AHNAK: variants seen among roughly 807,000 people sequenced by gnomAD.
The protein encoded by AHNAK is AHNAK nucleoprotein, also known as neuroblast differentiation-associated protein AHNAK.
AHNAK carries 23 observed loss-of-function variants against 37.8 expected under a neutral mutation model. The ratio of observed to expected loss-of-function variants is 0.61; its 90% CI spans 0.44 to 0.86. The LOEUF (loss-of-function observed/expected upper bound fraction) is 0.86, where lower values mean the gene tolerates loss of function less well. Among genes scored for constraint, AHNAK ranks in the 40% least tolerant of loss-of-function variants. The pLI, the probability that AHNAK is intolerant of heterozygous loss-of-function variation, is 0.00. For synonymous variants in AHNAK, 2,481 were observed against 2,636.3 expected (o/e 0.94, Z 1.80); for missense variants, 7,411 against 7,319.4 (o/e 1.01, Z -0.46).
chr11:62,460,857 T>C (rs1938767109), intron 5 of AHNAK, among the ~76,000 whole-genome samples: 1 of 152,182 alleles, frequency 6.6e-6, no homozygotes, highest in Non-Finnish European at 1.5e-5. Context: ...AGTCTCGCTC[T>C]GTCACCCAGG....
chr11:62,483,044 G>A (rs1364913146), intron 5 of AHNAK, among the ~76,000 whole-genome samples: 1 of 152,126 alleles, frequency 6.6e-6, no homozygotes, highest in East Asian at 1.9e-4. Context: ...TGAACGACAT[G>A]GTTTCACACC....
At chr11:62,467,769 AAG>A (rs1938944285) in intron 5 of AHNAK, among the ~76,000 whole-genome samples, 1 of 152,218 alleles carries the variant, frequency 6.6e-6, no homozygotes, top group Non-Finnish European at 1.5e-5. Flanking sequence ...GTTTGGAAAA[AAG>A]AGAGGGACAC....
At chr11:62,483,897 C>G (rs959808483) in intron 5 of AHNAK, among the ~76,000 whole-genome samples, 1 of 149,754 alleles carries the variant, frequency 6.7e-6, no homozygotes, top group Non-Finnish European at 1.5e-5. Flanking sequence ...ATTAGCCAGG[C>G]GCGGTGGCGG....
At chr11:62,471,218 A>T (rs1232189380) in intron 5 of AHNAK, among the ~76,000 whole-genome samples, 1 of 152,050 alleles carries the variant, frequency 6.6e-6, no homozygotes, top group East Asian at 1.9e-4. Flanking sequence ...GGGCCAAAGG[A>T]TTCTTTGCTG....
chr11:62,523,506 A>T lies in AHNAK; in HGVS notation c.10911T>A (p.Asn3637Lys). The stretch of plus-strand genomic sequence containing the variant: ...TCACGTCTGGAACATCAACGTCTAC[A>T]TTGGGACCAGAAATGTCAATGTCAG... ...PKADIDISGP[N>K]VDVDVPDVNI... is the part of the protein sequence containing the mutation. Residue 3637 changes from asparagine (N) to lysine (K), a missense_variant, in exon 5 of 5, where the codon AAT becomes AAA. Physicochemically the swap from Asn to Lys is moderately conservative, Grantham distance 94. Coordinates refer to ENST00000378024, the MANE Select transcript of AHNAK (RefSeq NM_001620.3). 1 of 1,613,942 alleles carries T rather than the reference A, an allele frequency of 6.2e-7. No homozygotes were observed. Among genetic ancestry groups the T allele is most frequent in the Non-Finnish European group, 8.5e-7 (1 of 1,179,980 alleles).
rs1590676853 is a variant in AHNAK, at chr11:62,531,189, A to G, written c.3228T>C (p.Leu1076=). Residue 1076 remains leucine, a synonymous_variant, in exon 5 of 5, where the codon CTT becomes CTC. Coordinates refer to ENST00000378024, the MANE Select transcript of AHNAK (RefSeq NM_001620.3). ...CATTTCCTTTCATTTTGGGTCCTTT[A>G]AGATCCAGGTCAACATCTGGCAAAG... The part of the protein sequence containing the change: ...KMSLPDVDLD[L]KGPKMKGNVD... 6.2e-7 allele frequency: 1 copy of G among 1,613,788 alleles called. No homozygotes were observed. The highest frequency in any genetic ancestry group is 2.2e-5 in the East Asian group (1 of 44,828).
In AHNAK at chr11:62,535,908, A is replaced by G. The variant is rs200703089; in HGVS notation, c.154+37T>C. The stretch of plus-strand genomic sequence containing the variant: ...CTCCAACACCCCCACCGACCCCCCA[A>G]CCACCAGCACCCAGTCCACACCCTG... On this transcript the variant is annotated intron_variant, in intron 3 of 4. Coordinates refer to ENST00000378024, the MANE Select transcript of AHNAK (RefSeq NM_001620.3). The G allele has an allele frequency of 8.9e-6, 14 of 1,578,574 alleles. No individual in the cohort carries two copies. The African/African-American group carries it at 1.6e-4, about 18-fold the overall frequency.
intron 5 of AHNAK, among the ~76,000 whole-genome samples, chr11:62,446,336 ACT>A (rs1454138193): frequency 2.6e-5 from 4 of 151,674 alleles, no homozygotes; most frequent in Admixed American, 6.6e-5. Context: ...TCCCCACCTG[ACT>A]CTGCAGGATC....
chr11:62,525,614 G>A lies in AHNAK; in HGVS notation c.8803C>T (p.Pro2935Ser). 6.2e-7 allele frequency: 1 copy of A among 1,613,058 alleles called. No homozygotes were observed. Among genetic ancestry groups the A allele is most frequent in the Non-Finnish European group, 8.5e-7 (1 of 1,179,828 alleles). Residue 2935 changes from proline to serine, a missense_variant, in exon 5 of 5, where the codon CCT becomes TCT. Transcript: ENST00000378024. The stretch of plus-strand genomic sequence containing the variant: ...TCTGGTCCTTCAATGTTAACATCAG[G>A]GCCTTCAACGTCCACTTTGGGGCCT... ...VSGPKVDVEG[P>S]DVNIEGPEGK...
At chr11:62,444,004 G>A (rs1938369509) in intron 5 of AHNAK, among the ~76,000 whole-genome samples, 1 of 152,170 alleles carries the variant, frequency 6.6e-6, no homozygotes, top group African/African-American at 2.4e-5. Flanking sequence ...TGCGAGGGCA[G>A]CACTTGAGGC....
At chr11:62,445,011 CCTCCTTCG>C (rs2134788684) in intron 5 of AHNAK, among the ~76,000 whole-genome samples, 1 of 152,322 alleles carries the variant, frequency 6.6e-6, no homozygotes, top group Non-Finnish European at 1.5e-5. Flanking sequence ...TGCATGGAGC[CCTCCTTCG>C]GTCACAGTCC....
chr11:62,475,232 G>A (rs1486394286), intron 5 of AHNAK, among the ~76,000 whole-genome samples: 2 of 152,138 alleles, frequency 1.3e-5, no homozygotes, highest in African/African-American at 2.4e-5. Flanking sequence ...AAACCCAAGA[G>A]GCAGAGGTTG....
At chr11:62,463,850 G>C (rs547147871) in intron 5 of AHNAK, among the ~76,000 whole-genome samples, 4 of 151,854 alleles carry the variant, frequency 2.6e-5, no homozygotes, top group African/African-American at 7.2e-5. Context: ...TGCAACCTCC[G>C]CCTCCCAGGT....
rs760738893 is a variant in AHNAK, at chr11:62,533,823, C to G, written c.594G>C (p.Glu198Asp). 1.1e-5 allele frequency: 18 copies of G among 1,614,040 alleles called. No homozygotes were observed. Among genetic ancestry groups the G allele is most frequent in the Non-Finnish European group, 1.2e-5 (14 of 1,180,020 alleles). Reference sequence around the variant, plus strand: ...TGATCACGGTCTTCCCAGACTGGGTCTCCACATCCACATTGGAGATTTCAG... The same window carrying G: ...TGATCACGGTCTTCCCAGACTGGGTGTCCACATCCACATTGGAGATTTCAG... ...ELTEISNVDV[E>D]TQSGKTVIRL... Residue 198 changes from glutamate (E) to aspartate (D), a missense_variant, in exon 5 of 5, where the codon GAG becomes GAC. Physicochemically the swap from Glu to Asp is conservative, Grantham distance 45 (BLOSUM62 2). Coordinates refer to ENST00000378024, the MANE Select transcript of AHNAK (RefSeq NM_001620.3).
At chr11:62,469,706 G>A (rs932717831) in intron 5 of AHNAK, among the ~76,000 whole-genome samples, 9 of 152,230 alleles carry the variant, frequency 5.9e-5, no homozygotes, top group Admixed American at 4.6e-4. Context: ...GGCCTCACGT[G>A]ATCTGCCCAC....
In AHNAK at chr11:62,518,594, C is replaced by T; in HGVS notation, c.15823G>A (p.Gly5275Arg). Reference protein sequence around the residue: ...DLRGPDVKLEGPDVSLKGPGV... With the variant: ...DLRGPDVKLERPDVSLKGPGV... ...GGCCCCTTTAGAGAAACATCGGGCCCTTCGAGCTTAACATCTGGTCCTCTC... is the reference window on the plus strand; with the variant it reads ...GGCCCCTTTAGAGAAACATCGGGCCTTTCGAGCTTAACATCTGGTCCTCTC... Residue 5275 changes from glycine to arginine, a missense_variant, in exon 5 of 5, where the codon GGG becomes AGG. Coordinates refer to ENST00000378024, the MANE Select transcript of AHNAK (RefSeq NM_001620.3). 6.2e-7 allele frequency: 1 copy of T among 1,614,218 alleles called. No individual in the cohort carries two copies. Among genetic ancestry groups the T allele is most frequent in the Non-Finnish European group, 8.5e-7 (1 of 1,180,038 alleles).
chr11:62,486,557 AGGG>A (rs1939400379), intron 5 of AHNAK, among the ~76,000 whole-genome samples: 24 of 98,788 alleles, frequency 2.4e-4, no homozygotes, highest in African/African-American at 7.7e-4. Flanking sequence ...GGAGGGAGGG[AGGG>A]AGGGAGCATG....
intron 1 of AHNAK, among the ~76,000 whole-genome samples, chr11:62,540,625 C>T (rs1941090725): frequency 6.6e-6 from 1 of 152,168 alleles, no homozygotes; most frequent in African/African-American, 2.4e-5. Context: ...GCCTGGGCAA[C>T]ATGGCAAAAC....
intron 4 of AHNAK, among the ~76,000 whole-genome samples, chr11:62,492,035 A>T (rs571826053): frequency 1.3e-3 from 199 of 152,282 alleles, no homozygotes; most frequent in Middle Eastern, 3.4e-3. Flanking sequence ...TCTTTAGAAG[A>T]CAACTGGCCT....
Sources: allele counts gnomAD v4.1 joint callset (sites outside exome capture counted in the v4.1 genomes callset), GRCh38; gene constraint gnomAD v4.1.1; transcripts MANE v1.5; gene names NCBI Gene and HGNC (gene_info 2026-07-23, HGNC 2026-07-21).